Variants in CBFB observed in about 807,000 individuals in gnomAD.
The protein encoded by CBFB is CBF-beta.
A neutral mutation model predicts 30.4 loss-of-function variants in CBFB; 9 were observed. The observed-to-expected ratio is 0.30, with a 90% CI of 0.18 to 0.52. CBFB has a LOEUF of 0.52. Ranked by LOEUF, CBFB falls within the 20% of genes least tolerant of loss-of-function variation. CBFB has a pLI of 0.97. For missense variants in CBFB, 170 were observed against 244.0 expected, an observed-to-expected ratio of 0.70 and a Z score of 2.02; for synonymous variants, 94 against 84.0, an observed-to-expected ratio of 1.12 and a Z score of -0.65.
intron 4 of CBFB, among the ~76,000 whole-genome samples, chr16:67,076,894 G>A (rs1961414415): frequency 6.6e-6 from 1 of 151,658 alleles, no homozygotes; most frequent in African/African-American, 2.4e-5. Flanking sequence ...AGTGTGTACT[G>A]TCATGAGATT....
At position 67,092,696 on chromosome 16, in the gene CBFB, A is replaced by ATTTTTTTTTTTTTTTTTTTTT. The variant is rs1162307047; in HGVS notation, c.496-6013_496-6012insTTTTTTTTTTTTTTTTTTTTT. 2.2e-4 allele frequency among the ~76,000 whole-genome samples: 21 copies of ATTTTTTTTTTTTTTTTTTTTT among 94,658 alleles called. 1 individual carries two copies. Among genetic ancestry groups the ATTTTTTTTTTTTTTTTTTTTT allele is most frequent in the African/African-American group, 5.7e-4 (12 of 21,124 alleles). The allele number at this position is 94,658 out of a possible 152,430, so 62.1% of individuals were successfully genotyped here. A position where few individuals can be genotyped will look rare whatever the true frequency, so the allele number is the denominator to read the frequency against. ...ACCCAGGCTAGGTTACAGTGGTGCA[A>ATTTTTTTTTTTTTTTTTTTTT]TCTTTTTTTTTTTTTTTTTTTTTTT... On this transcript the variant is annotated intron_variant, in intron 5 of 5. Coordinates refer to ENST00000412916, the MANE Select transcript of CBFB (RefSeq NM_022845.3).
rs1373448161 is a variant in CBFB, at chr16:67,029,803, G to A, written c.155G>A (p.Arg52His). 3 of 1,586,052 alleles carry A rather than the reference G, an allele frequency of 1.9e-6. No homozygotes were observed. Among genetic ancestry groups the A allele is most frequent in the African/African-American group, 2.8e-5 (2 of 71,602 alleles). Reference sequence around the variant, plus strand: ...TTCCAGAACGCCTGCCGCGACGGCCGCTCGGAAATCGTAAGTCGGCTGGCC... The same window carrying A: ...TTCCAGAACGCCTGCCGCGACGGCCACTCGGAAATCGTAAGTCGGCTGGCC... ...ARFQNACRDG[R>H]SEIAFVATGT... The change falls in exon 2 of 6, where the codon CGC becomes CAC. Residue 52 changes from arginine (R) to histidine (H), a missense_variant. Arg to His is a conservative substitution (Grantham distance 29). Transcript: ENST00000412916.
rs34186310 is a variant in CBFB at position 67,074,386 on chromosome 16, C to CT, written c.399+7603dup. On this transcript the variant is annotated intron_variant, in intron 4 of 5. Coordinates refer to ENST00000412916, the MANE Select transcript of CBFB (RefSeq NM_022845.3). ...GTTTATAAAATGTAAAACAGTAAAG[C>CT]TTTTTTTTTTTTTTTGAGACAGAGT... 1.0e-2 allele frequency among the ~76,000 whole-genome samples: 1,380 copies of CT among 138,352 alleles called. 30 individuals carry two copies. The highest frequency in any genetic ancestry group is 0.062 in the East Asian group (299 of 4,822). The allele number at this position is 138,352 out of a possible 152,430, so 90.8% of individuals were successfully genotyped here.
intron 5 of CBFB, among the ~76,000 whole-genome samples, chr16:67,091,479 G>A (rs1597162005): frequency 6.6e-6 from 1 of 152,144 alleles, no homozygotes. Context: ...TTGAGGAACC[G>A]AGGCTAAGAG....
chr16:67,033,158 A>AG (rs1458005756), intron 2 of CBFB, among the ~76,000 whole-genome samples: 4 of 151,994 alleles, frequency 2.6e-5, no homozygotes, highest in African/African-American at 9.7e-5. Flanking sequence ...TACAGGCGTG[A>AG]GCCACCACTC....
chr16:67,061,231 C>T (rs1960902201), intron 3 of CBFB, among the ~76,000 whole-genome samples: 1 of 152,134 alleles, frequency 6.6e-6, no homozygotes, highest in South Asian at 2.1e-4. Flanking sequence ...ACTTTTTAAC[C>T]TGCTGTGAAG....
intron 3 of CBFB, among the ~76,000 whole-genome samples, chr16:67,047,522 G>A (rs999360201): frequency 3.3e-5 from 5 of 152,112 alleles, no homozygotes; most frequent in Admixed American, 6.6e-5. Flanking sequence ...TTGTGACTTC[G>A]ACATTTACAT....
At chr16:67,073,280 CT>C (rs1174669909) in intron 4 of CBFB, among the ~76,000 whole-genome samples, 2 of 152,134 alleles carry the variant, frequency 1.3e-5, no homozygotes, top group African/African-American at 4.8e-5. Flanking sequence ...TCCAGAGTGC[CT>C]TTCTTTGACA....
intron 3 of CBFB, among the ~76,000 whole-genome samples, chr16:67,055,123 A>G (rs980626936): frequency 2.6e-5 from 4 of 151,996 alleles, no homozygotes; most frequent in Non-Finnish European, 5.9e-5. Flanking sequence ...TGAAAGTCAG[A>G]ATTTATCTTG....
chr16:67,088,786 C>A (rs934761490), intron 5 of CBFB, among the ~76,000 whole-genome samples: 48 of 152,286 alleles, frequency 3.2e-4, no homozygotes, highest in African/African-American at 1.1e-3. Flanking sequence ...TAGGGATGTC[C>A]TCCACTGTTT....
chr16:67,074,524 A>C (rs1032394770), intron 4 of CBFB, among the ~76,000 whole-genome samples: 1 of 151,922 alleles, frequency 6.6e-6, no homozygotes, highest in Non-Finnish European at 1.5e-5. Flanking sequence ...CTGGGACTAC[A>C]GGCACGTGCC....
intron 3 of CBFB, among the ~76,000 whole-genome samples, chr16:67,064,404 A>T (rs921861974): frequency 6.6e-6 from 1 of 152,080 alleles, no homozygotes; most frequent in East Asian, 1.9e-4. Flanking sequence ...ACGGGGTTTC[A>T]CTTTGTTGTC....
intron 3 of CBFB, among the ~76,000 whole-genome samples, chr16:67,060,829 A>G (rs946173924): frequency 1.3e-5 from 2 of 152,148 alleles, no homozygotes; most frequent in Non-Finnish European, 2.9e-5. Flanking sequence ...GCTGGAATTA[A>G]CAGGCATGAG....
At chr16:67,031,404 C>T (rs899146445) in intron 2 of CBFB, among the ~76,000 whole-genome samples, 7 of 152,202 alleles carry the variant, frequency 4.6e-5, no homozygotes, top group African/African-American at 1.7e-4. Context: ...CATCCTTTGC[C>T]TGGGTTACCT....
At chr16:67,084,925 A>G (rs1342195371) in intron 5 of CBFB, among the ~76,000 whole-genome samples, 3 of 152,220 alleles carry the variant, frequency 2.0e-5, no homozygotes, top group African/African-American at 7.2e-5. Context: ...AATAGGAGTA[A>G]TAATCCTGCC....
At chr16:67,051,912 T>TACACACACACACACAC (rs112469458) in intron 3 of CBFB, among the ~76,000 whole-genome samples, 2 of 143,940 alleles carry the variant, frequency 1.4e-5, no homozygotes, top group East Asian at 2.0e-4. Flanking sequence ...TATATGTGTA[T>TACACACACACACACAC]ACACACACAC....
intron 3 of CBFB, among the ~76,000 whole-genome samples, chr16:67,041,922 C>A (rs1597126552): frequency 2.0e-5 from 3 of 147,602 alleles, no homozygotes; most frequent in African/African-American, 7.5e-5. Context: ...TTTTTTACCC[C>A]TGACAAAACA....
chr16:67,083,851 C>G (rs1302927490), intron 5 of CBFB, among the ~76,000 whole-genome samples: 1 of 152,076 alleles, frequency 6.6e-6, no homozygotes, highest in East Asian at 1.9e-4. Flanking sequence ...ACAAATTGTT[C>G]AGAAATACAG....
chr16:67,081,248 G>A (rs145881013), intron 4 of CBFB, among the ~76,000 whole-genome samples: 7 of 151,062 alleles, frequency 4.6e-5, no homozygotes, highest in African/African-American at 1.5e-4. Flanking sequence ...TGTTCTTGGC[G>A]ATAGTTTACT....
Sources: allele counts gnomAD v4.1 joint callset (sites outside exome capture counted in the v4.1 genomes callset), GRCh38; gene constraint gnomAD v4.1.1; transcripts MANE v1.5; gene names NCBI Gene and HGNC (gene_info 2026-07-23, HGNC 2026-07-21).